Variants in KIRREL3 observed in about 807,000 individuals in gnomAD.
KIRREL3 encodes kin of IRRE-like protein 3.
KIRREL3 carries 36 observed loss-of-function variants against 89.7 expected under a neutral mutation model. That is an observed-to-expected ratio of 0.40 (90% CI 0.31 to 0.53). The LOEUF (loss-of-function observed/expected upper bound fraction) is 0.53. Among genes scored for constraint, KIRREL3 ranks in the 20% least tolerant of loss-of-function variants. KIRREL3 has a pLI of 0.49. For missense variants in KIRREL3, 864 were observed against 1,056.6 expected, an observed-to-expected ratio of 0.82 and a Z score of 2.53; for synonymous variants, 445 against 441.4, an observed-to-expected ratio of 1.01 and a Z score of -0.10.
At position 126,752,310 on chromosome 11, in the gene KIRREL3, TG is replaced by T. The variant is rs1283680154; in HGVS notation, c.56-189399del. On this transcript the variant is annotated intron_variant, in intron 1 of 16. Transcript: ENST00000525144. This position sits in a 1 kb window ranked among gnomAD's most constrained non-coding sequence, Gnocchi z 4.8. ...CTATCATTAGGAACTTCCTCACTTT[TG>T]GATTTTGCAGATTCCTTTCCTGAGA... Among the ~76,000 whole-genome samples the T allele has an allele frequency of 6.6e-6, 1 of 152,156 alleles. No individual in the cohort carries two copies. Among genetic ancestry groups the T allele is most frequent in the Non-Finnish European group, 1.5e-5 (1 of 68,014 alleles).
At chr11:126,839,293 G>A (rs537010133) in intron 1 of KIRREL3, among the ~76,000 whole-genome samples, 2 of 152,276 alleles carry the variant, frequency 1.3e-5, no homozygotes, top group Admixed American at 1.3e-4. Flanking sequence ...TGTCTTTTGG[G>A]GGAGGAAGAT....
In KIRREL3 at chr11:126,922,159, CTA is replaced by C. The variant is rs1393832886; in HGVS notation, c.55+78294_55+78295del. Among the ~76,000 whole-genome samples the C allele has an allele frequency of 9.2e-5, 14 of 151,582 alleles. 1 individual carries two copies. Among genetic ancestry groups the C allele is most frequent in the African/African-American group, 3.4e-4 (14 of 41,320 alleles). ...TCTATCTATCTATCTATCTATCTAT[CTA>C]TCTATCTATCTATCTCTATCATCTT... On this transcript the variant is annotated intron_variant, in intron 1 of 16. Transcript: ENST00000525144.
chr11:126,863,802 C>T (rs1944830738), intron 1 of KIRREL3, among the ~76,000 whole-genome samples: 1 of 152,176 alleles, frequency 6.6e-6, no homozygotes, highest in African/African-American at 2.4e-5. Context: ...ATTTTACAGG[C>T]TTCTGGGGAA....
intron 1 of KIRREL3, among the ~76,000 whole-genome samples, chr11:126,923,927 C>A (rs946619323): frequency 6.6e-6 from 1 of 152,212 alleles, no homozygotes; most frequent in South Asian, 2.1e-4. Context: ...ATTGGCTTTC[C>A]CCCCAAACCT....
Position 126,645,609 on chromosome 11 carries a change from A to G in KIRREL3, c.56-82697T>C, listed in dbSNP as rs1187711401. 6.6e-6 allele frequency among the ~76,000 whole-genome samples: 1 copy of G among 152,208 alleles called. No homozygotes were observed. The highest frequency in any genetic ancestry group is 1.5e-5 in the Non-Finnish European group (1 of 68,038). ...CACATCTAAATGGAAGCATCATGGC[A>G]CGAGGTGAAATTCTAGGTTTCTGAA... is the stretch of plus-strand genomic sequence containing the variant. On this transcript the variant is annotated intron_variant, in intron 1 of 16. Coordinates refer to ENST00000525144, the MANE Select transcript of KIRREL3 (RefSeq NM_032531.4). The surrounding 1 kb of genome is among the most constrained non-coding windows in gnomAD (Gnocchi z 4.9).
rs979338580 is a variant in KIRREL3 at position 126,622,503 on chromosome 11, G to A, written c.56-59591C>T. On this transcript the variant is annotated intron_variant, in intron 1 of 16. Coordinates refer to ENST00000525144, the MANE Select transcript of KIRREL3 (RefSeq NM_032531.4). The surrounding 1 kb of genome is among the most constrained non-coding windows in gnomAD (Gnocchi z 5.2). ...CCAAGATCTGACACACTCTTATCAG[G>A]GCCCCAGCAAATAACTCAGCACCTT... Among the ~76,000 whole-genome samples, 1 of 152,030 alleles carries A rather than the reference G, an allele frequency of 6.6e-6. No individual in the cohort carries two copies. The highest frequency in any genetic ancestry group is 2.4e-5 in the African/African-American group (1 of 41,366).
rs1357618740 is a variant in KIRREL3 at position 126,607,162 on chromosome 11, G to A, written c.56-44250C>T. 1.3e-5 allele frequency among the ~76,000 whole-genome samples: 2 copies of A among 152,166 alleles called. No individual in the cohort carries two copies. The highest frequency in any genetic ancestry group is 2.9e-5 in the Non-Finnish European group (2 of 68,026). On this transcript the variant is annotated intron_variant, in intron 1 of 16. Coordinates refer to ENST00000525144, the MANE Select transcript of KIRREL3 (RefSeq NM_032531.4). This position sits in a 1 kb window ranked among gnomAD's most constrained non-coding sequence, Gnocchi z 6.6. The stretch of plus-strand genomic sequence containing the variant: ...TCGTCAGAGTGGATGGAGGGGCAAA[G>A]CCAGGAAAATACCTGGGGGCTTCCA...
rs10128599 is a variant in KIRREL3 at position 126,795,808 on chromosome 11, C to A, written c.55+204647G>T. Among the ~76,000 whole-genome samples the A allele has an allele frequency of 3.5e-4, 53 of 152,170 alleles. 1 individual carries two copies. In the East Asian group the frequency reaches 7.9e-3, roughly 23 times the overall value. On this transcript the variant is annotated intron_variant, in intron 1 of 16. Coordinates refer to ENST00000525144, the MANE Select transcript of KIRREL3 (RefSeq NM_032531.4). The surrounding 1 kb of genome is among the most constrained non-coding windows in gnomAD (Gnocchi z 4.1). Reference sequence around the variant, plus strand: ...CCACTTCAACCACCAGTTCTTCTTCCCCCTGTGCACCCCAAGAGCGTACAT... The same window carrying A: ...CCACTTCAACCACCAGTTCTTCTTCACCCTGTGCACCCCAAGAGCGTACAT...
chr11:126,912,977 C>A lies in KIRREL3; in HGVS notation c.55+87478G>T, dbSNP rs1042775786. On this transcript the variant is annotated intron_variant, in intron 1 of 16. Coordinates refer to ENST00000525144, the MANE Select transcript of KIRREL3 (RefSeq NM_032531.4). This position sits in a 1 kb window ranked among gnomAD's most constrained non-coding sequence, Gnocchi z 4.7. ...CAAGAGAGGAAATGCCTTAAGGAAC[C>A]ACGAGATCCCTTGAAGAGACTCAGC... Among the ~76,000 whole-genome samples, 1 of 152,164 alleles carries A rather than the reference C, an allele frequency of 6.6e-6. No individual in the cohort carries two copies. The highest frequency in any genetic ancestry group is 1.5e-5 in the Non-Finnish European group (1 of 68,024).
At chr11:126,542,723 G>T (rs555198787) in intron 2 of KIRREL3, among the ~76,000 whole-genome samples, 1 of 152,280 alleles carries the variant, frequency 6.6e-6, no homozygotes, top group South Asian at 2.1e-4. Context: ...TATTCCCTTT[G>T]GACCTTATGC....
chr11:126,527,540 C>T lies in KIRREL3; in HGVS notation c.134-853G>A, dbSNP rs998233415. Among the ~76,000 whole-genome samples the T allele has an allele frequency of 6.6e-6, 1 of 152,114 alleles. No individual in the cohort carries two copies. Among genetic ancestry groups the T allele is most frequent in the Non-Finnish European group, 1.5e-5 (1 of 68,032 alleles). ...TAAAAATAGTAGGCACTATTTTTATCCCCATTTTCCAGATGGGAAAATGAG... is the reference window on the plus strand; with the variant it reads ...TAAAAATAGTAGGCACTATTTTTATTCCCATTTTCCAGATGGGAAAATGAG... On this transcript the variant is annotated intron_variant, in intron 2 of 16. Coordinates refer to ENST00000525144, the MANE Select transcript of KIRREL3 (RefSeq NM_032531.4). This position sits in a 1 kb window ranked among gnomAD's most constrained non-coding sequence, Gnocchi z 4.2.
intron 1 of KIRREL3, among the ~76,000 whole-genome samples, chr11:126,670,439 G>C (rs1945884837): frequency 6.6e-6 from 1 of 152,100 alleles, no homozygotes; most frequent in Non-Finnish European, 1.5e-5. Flanking sequence ...CACTGTACTG[G>C]AAGTCCTAGC....
chr11:126,575,565 T>G lies in KIRREL3; in HGVS notation c.56-12653A>C, dbSNP rs1941213121. On this transcript the variant is annotated intron_variant, in intron 1 of 16. Coordinates refer to ENST00000525144, the MANE Select transcript of KIRREL3 (RefSeq NM_032531.4). The surrounding 1 kb of genome is among the most constrained non-coding windows in gnomAD (Gnocchi z 7.0). ...CTTACTTATAAATATAATATATTAT[T>G]AGAAAGTACAGGGGTATGCTAAAAG... Among the ~76,000 whole-genome samples the G allele has an allele frequency of 6.6e-6, 1 of 152,142 alleles. No homozygotes were observed. The highest frequency in any genetic ancestry group is 1.5e-5 in the Non-Finnish European group (1 of 68,026).
At chr11:126,932,491 A>G (rs1947991577) in intron 1 of KIRREL3, among the ~76,000 whole-genome samples, 1 of 152,132 alleles carries the variant, frequency 6.6e-6, no homozygotes, top group South Asian at 2.1e-4. Context: ...TTAACCTCAC[A>G]CAGATATGAC....
chr11:126,596,899 G>A (rs1942424276), intron 1 of KIRREL3, among the ~76,000 whole-genome samples: 1 of 152,214 alleles, frequency 6.6e-6, no homozygotes, highest in African/African-American at 2.4e-5. Context: ...CTGGCCTAAA[G>A]GATGAGTGTC....
At position 126,740,465 on chromosome 11, in the gene KIRREL3, G is replaced by C. The variant is rs1267928739; in HGVS notation, c.56-177553C>G. Among the ~76,000 whole-genome samples the C allele has an allele frequency of 6.6e-6, 1 of 152,130 alleles. No individual in the cohort carries two copies. Among genetic ancestry groups the C allele is most frequent in the Non-Finnish European group, 1.5e-5 (1 of 68,032 alleles). ...ACCAGACCAGCCTTTGGTGTCACTAGGTCCTCTGACTTGAGTGTGACACAA... is the reference window on the plus strand; with the variant it reads ...ACCAGACCAGCCTTTGGTGTCACTACGTCCTCTGACTTGAGTGTGACACAA... On this transcript the variant is annotated intron_variant, in intron 1 of 16. Transcript: ENST00000525144. The surrounding 1 kb of genome is among the most constrained non-coding windows in gnomAD (Gnocchi z 6.0).
chr11:126,616,194 C>T (rs962322146), intron 1 of KIRREL3, among the ~76,000 whole-genome samples: 3 of 152,078 alleles, frequency 2.0e-5, no homozygotes, highest in South Asian at 4.2e-4. Context: ...TGGCGTTGCC[C>T]GTTCATGGGC....
At chr11:126,923,187 C>CTTCTCTTCTTCTTCTTCTTCTTCTTCT (rs1555090325) in intron 1 of KIRREL3, among the ~76,000 whole-genome samples, 1 of 23,816 alleles carries the variant, frequency 4.2e-5, no homozygotes, top group African/African-American at 2.3e-4. Context: ...TCTTCTTCTT[C>CTTCTCTTCTTCTTCTTCTTCTTCTTCT]TCTTCTTCTT....
rs1040862716 is a variant in KIRREL3, at chr11:126,704,074, A to G, written c.56-141162T>C. On this transcript the variant is annotated intron_variant, in intron 1 of 16. Coordinates refer to ENST00000525144, the MANE Select transcript of KIRREL3 (RefSeq NM_032531.4). This position sits in a 1 kb window ranked among gnomAD's most constrained non-coding sequence, Gnocchi z 4.2. Reference sequence around the variant, plus strand: ...TTTATATACACTCACACAATTAGATATAACTATATTCACACATAGACACAT... The same window carrying G: ...TTTATATACACTCACACAATTAGATGTAACTATATTCACACATAGACACAT... Among the ~76,000 whole-genome samples the G allele has an allele frequency of 2.6e-5, 4 of 152,214 alleles. No individual in the cohort carries two copies. Among genetic ancestry groups the G allele is most frequent in the African/African-American group, 9.6e-5 (4 of 41,454 alleles).
Sources: gnomAD v4.1 joint callset for allele counts (sites outside exome capture counted in the v4.1 genomes callset) on GRCh38, gnomAD v4.1.1 for gene constraint, Gnocchi (gnomAD v3.1) non-coding constraint, MANE v1.5 for transcripts, NCBI Gene and HGNC (gene_info 2026-07-23, HGNC 2026-07-21) for gene names.